PTPRD: variants seen among roughly 807,000 people sequenced by gnomAD.
PTPRD encodes receptor-type tyrosine-protein phosphatase delta.
A neutral mutation model predicts 214.5 loss-of-function variants in PTPRD; 34 were observed. The ratio of observed to expected loss-of-function variants is 0.16; its 90% CI spans 0.12 to 0.21. The LOEUF is 0.21. Ranked by LOEUF, PTPRD falls within the 10% of genes least tolerant of loss-of-function variation. The pLI is 1.00. For missense variants in PTPRD, 2,545 were observed against 2,398.7 expected (o/e 1.06, Z -1.27); for synonymous variants, 1,128 against 845.7 (o/e 1.33, Z -5.79).
At chr9:8,327,593 C>G in intron 44 of PTPRD, among the ~76,000 whole-genome samples, 2 of 152,180 alleles carry the variant, frequency 1.3e-5, no homozygotes, top group Middle Eastern at 6.8e-3. Flanking sequence ...AATGTCCTTG[C>G]TAATGTTCTA....
chr9:8,348,446 A>G (rs2074479426), intron 39 of PTPRD, among the ~76,000 whole-genome samples: 1 of 152,102 alleles, frequency 6.6e-6, no homozygotes, highest in Admixed American at 6.6e-5. Context: ...GTGCAGGATT[A>G]CTGGGCTCCA....
chr9:9,893,653 G>T (rs1182585654), intron 5 of PTPRD, among the ~76,000 whole-genome samples: 1 of 151,996 alleles, frequency 6.6e-6, no homozygotes, highest in Non-Finnish European at 1.5e-5. Flanking sequence ...AAAGTTATTG[G>T]AAAGGACCCA....
intron 35 of PTPRD, among the ~76,000 whole-genome samples, chr9:8,421,763 G>GA (rs891054843): frequency 8.5e-4 from 127 of 150,258 alleles, no homozygotes; most frequent in African/African-American, 2.9e-3. Flanking sequence ...ACCAAAGGTA[G>GA]AAAAAAAAGC....
chr9:8,992,908 A>G (rs1430058343), intron 11 of PTPRD, among the ~76,000 whole-genome samples: 1 of 152,112 alleles, frequency 6.6e-6, no homozygotes, highest in Admixed American at 6.6e-5. Flanking sequence ...GCATTCCTAT[A>G]AATATTTGTT....
chr9:10,389,623 A>T (rs1306576500), intron 2 of PTPRD, among the ~76,000 whole-genome samples: 1 of 151,846 alleles, frequency 6.6e-6, no homozygotes, highest in Non-Finnish European at 1.5e-5. Context: ...CAGATAAATA[A>T]ATCCATATTC....
chr9:8,376,365 G>T (rs1464426764), intron 38 of PTPRD, among the ~76,000 whole-genome samples: 1 of 152,068 alleles, frequency 6.6e-6, no homozygotes, highest in Non-Finnish European at 1.5e-5. Context: ...GGAAGAGCTA[G>T]TTCTTCTTCA....
intron 30 of PTPRD, among the ~76,000 whole-genome samples, chr9:8,476,887 T>C (rs1320236536): frequency 1.3e-5 from 2 of 152,150 alleles, no homozygotes; most frequent in Non-Finnish European, 2.9e-5. Context: ...CATCAAGCTT[T>C]TTCTCCTTTC....
At chr9:9,616,440 A>G (rs2094868489) in intron 7 of PTPRD, among the ~76,000 whole-genome samples, 1 of 152,240 alleles carries the variant, frequency 6.6e-6, no homozygotes, top group Admixed American at 6.5e-5. Flanking sequence ...CATCTAGGAT[A>G]CGACCCCACT....
intron 10 of PTPRD, among the ~76,000 whole-genome samples, chr9:9,047,475 C>T (rs1485303610): frequency 6.6e-6 from 1 of 152,014 alleles, no homozygotes; most frequent in Non-Finnish European, 1.5e-5. Flanking sequence ...ATAAAACTGA[C>T]AGAATCATAT....
intron 8 of PTPRD, among the ~76,000 whole-genome samples, chr9:9,489,343 T>C (rs2095801639): frequency 1.3e-5 from 2 of 152,096 alleles, no homozygotes; most frequent in Admixed American, 1.3e-4. Context: ...TTAGATTCAA[T>C]TGCAAAGCTT....
At position 8,549,157 on chromosome 9, in the gene PTPRD, T is replaced by C. The variant is rs901211287; in HGVS notation, c.353-20378A>G. On this transcript the variant is annotated intron_variant, in intron 14 of 45. Transcript: ENST00000381196. ...ATAAAGTCTATGTGCGGATATAACA[T>C]AGAATTATAATTATGATCGTTGGAA... Among the ~76,000 whole-genome samples the C allele has an allele frequency of 7.2e-5, 11 of 152,130 alleles. No individual in the cohort carries two copies. The East Asian group carries it at 7.7e-4, about 11-fold the overall frequency.
Position 9,333,504 on chromosome 9 carries a change from T to TATATATATATATA in PTPRD, c.-203+63944_-203+63945insTATATATATATAT, listed in dbSNP as rs1555249397. Reference sequence around the variant, plus strand: ...TAAAACATATATATTATATAGTATATTATATATATATATATATATATAAAG... The same window carrying TATATATATATATA: ...TAAAACATATATATTATATAGTATATATATATATATATATATATATATATATATATATATAAAG... On this transcript the variant is annotated intron_variant, in intron 9 of 45. Transcript: ENST00000381196. 3.3e-3 allele frequency among the ~76,000 whole-genome samples: 459 copies of TATATATATATATA among 137,214 alleles called. 19 individuals are homozygous for TATATATATATATA. The highest frequency in any genetic ancestry group is 0.013 in the African/African-American group (447 of 34,272). 90.0% of individuals were successfully genotyped at this position (137,214 alleles called of 152,430 possible). A position where few individuals can be genotyped will look rare whatever the true frequency, so the allele number is the denominator to read the frequency against.
At chr9:9,118,791 A>G (rs1016011823) in intron 10 of PTPRD, among the ~76,000 whole-genome samples, 9 of 152,144 alleles carry the variant, frequency 5.9e-5, no homozygotes, top group Non-Finnish European at 1.2e-4. Flanking sequence ...ATTCCAAATG[A>G]TCAGTGAAGG....
intron 3 of PTPRD, among the ~76,000 whole-genome samples, chr9:10,110,477 A>G (rs1223592699): frequency 6.6e-6 from 1 of 152,172 alleles, no homozygotes; most frequent in Non-Finnish European, 1.5e-5. Context: ...TCTCCCAACA[A>G]CAAACACTAA....
chr9:9,047,694 T>C (rs1339777226), intron 10 of PTPRD, among the ~76,000 whole-genome samples: 1 of 152,110 alleles, frequency 6.6e-6, no homozygotes, highest in Non-Finnish European at 1.5e-5. Context: ...TGGATATCCA[T>C]ATGCAGAAGA....
At chr9:9,753,239 A>G (rs2098538979) in intron 6 of PTPRD, among the ~76,000 whole-genome samples, 1 of 152,062 alleles carries the variant, frequency 6.6e-6, no homozygotes, top group Non-Finnish European at 1.5e-5. Context: ...AGAAAGAATC[A>G]TTCAGTTTCA....
chr9:9,679,651 C>T (rs1345533780), intron 7 of PTPRD, among the ~76,000 whole-genome samples: 1 of 151,806 alleles, frequency 6.6e-6, no homozygotes, highest in African/African-American at 2.4e-5. Flanking sequence ...TAGACCAGGT[C>T]AAAGTAGCTG....
At chr9:10,266,027 T>C (rs77663123) in intron 3 of PTPRD, among the ~76,000 whole-genome samples, 105 of 152,266 alleles carry the variant, frequency 6.9e-4, no homozygotes, top group Non-Finnish European at 1.3e-3. Context: ...TTATATTAAC[T>C]AGAAAAAATA....
chr9:10,589,722 G>C (rs745584863), intron 2 of PTPRD, among the ~76,000 whole-genome samples: 3 of 152,000 alleles, frequency 2.0e-5, no homozygotes, highest in Non-Finnish European at 4.4e-5. Context: ...TGAGATATCA[G>C]ATATTCATAG....
Sources: allele counts gnomAD v4.1 joint callset (sites outside exome capture counted in the v4.1 genomes callset), GRCh38; gene constraint gnomAD v4.1.1; transcripts MANE v1.5; gene names NCBI Gene and HGNC (gene_info 2026-07-23, HGNC 2026-07-21).